The following LMTK2 variants were observed in gnomAD, a reference collection of about 807,000 sequenced individuals.
LMTK2 encodes serine/threonine-protein kinase LMTK2.
LMTK2 carries 37 observed loss-of-function variants against 127.5 expected under a neutral mutation model. The observed-to-expected ratio is 0.29, with a 90% CI of 0.22 to 0.38. The LOEUF (loss-of-function observed/expected upper bound fraction) is 0.38, where lower values mean the gene tolerates loss of function less well. Ranked by LOEUF, LMTK2 falls within the 10% of genes least tolerant of loss-of-function variation. The pLI, the probability that LMTK2 is intolerant of heterozygous loss-of-function variation, is 1.00. For synonymous variants in LMTK2, 819 were observed against 810.1 expected, an observed-to-expected ratio of 1.01 and a Z score of -0.19; for missense variants, 1,694 against 1,920.3, an observed-to-expected ratio of 0.88 and a Z score of 2.20.
At chr7:98,124,845 G>T (rs1796420741) in intron 1 of LMTK2, among the ~76,000 whole-genome samples, 1 of 152,080 alleles carries the variant, frequency 6.6e-6, no homozygotes, top group Admixed American at 6.6e-5. Context: ...TCAAAGAGTT[G>T]TTATGGAATT....
intron 1 of LMTK2, among the ~76,000 whole-genome samples, chr7:98,132,197 A>T (rs1796529234): frequency 6.6e-6 from 1 of 152,124 alleles, no homozygotes; most frequent in Admixed American, 6.5e-5. Context: ...TGATGATACC[A>T]CAAAACAGTG....
rs1378245232 is a variant in LMTK2, at chr7:98,160,896, A to G, written c.657+1471A>G. ...AAAGATAAAGTCTGGTTTTATTGATACTAATATAGTTAGACCAACTTTCTT... is the reference window on the plus strand; with the variant it reads ...AAAGATAAAGTCTGGTTTTATTGATGCTAATATAGTTAGACCAACTTTCTT... On this transcript the variant is annotated intron_variant, in intron 6 of 13. Coordinates refer to ENST00000297293, the MANE Select transcript of LMTK2 (RefSeq NM_014916.4). Among the ~76,000 whole-genome samples, 3 of 152,220 alleles carry G rather than the reference A, an allele frequency of 2.0e-5. No individual in the cohort carries two copies. The East Asian group carries it at 5.8e-4, about 29-fold the overall frequency.
At chr7:98,146,286 C>T (rs1422213023) in intron 3 of LMTK2, among the ~76,000 whole-genome samples, 1 of 152,072 alleles carries the variant, frequency 6.6e-6, no homozygotes, top group African/African-American at 2.4e-5. Context: ...TTTAATTTTT[C>T]AAAATCCTTT....
In LMTK2 at chr7:98,191,628, A is replaced by G. The variant is rs769844975; in HGVS notation, c.1163A>G (p.Gln388Arg). ...GTGCTGCTCAGGTATGAAGTCTTAC[A>G]GTTCTGTTGGCTGTCACCAGAAAAG... ...PYSDRWYEVL[Q>R]FCWLSPEKRP... Residue 388 changes from glutamine to arginine, a missense_variant, in exon 11 of 14, where the codon CAG (glutamine) becomes CGG (arginine). Gln to Arg is a conservative substitution (Grantham distance 43). Around this residue, in one of 8 missense-constraint regions of LMTK2, gnomAD observed 216 missense variants for 266.8 expected, o/e 0.81. Coordinates refer to ENST00000297293, the MANE Select transcript of LMTK2 (RefSeq NM_014916.4). 5.0e-6 allele frequency: 8 copies of G among 1,605,916 alleles called. 1 individual carries two copies. The South Asian group carries it at 8.9e-5, about 18-fold the overall frequency.
intron 4 of LMTK2, among the ~76,000 whole-genome samples, chr7:98,151,855 T>G (rs183111446): frequency 0.01 from 1,556 of 152,296 alleles, 6 homozygotes; most frequent in Non-Finnish European, 0.017. Context: ...GAACCTCTTT[T>G]GGAGGGATGC....
chr7:98,190,976 T>A lies in LMTK2; in HGVS notation c.1148+99T>A. The stretch of plus-strand genomic sequence containing the variant: ...TGGGCCAAATATTATGTTTCTTCAT[T>A]TCCTCTTTCACCATGATGTCACCAT... On this transcript the variant is annotated intron_variant, in intron 10 of 13. Transcript: ENST00000297293. 4.4e-6 allele frequency: 5 copies of A among 1,137,848 alleles called. No homozygotes were observed. In the Admixed American group the frequency reaches 7.9e-5, roughly 18 times the overall value. 70.5% of individuals were successfully genotyped at this position (1,137,848 alleles called of 1,614,324 possible).
rs993931801 is a variant in LMTK2 at position 98,195,500 on chromosome 7, T to C, written c.4107+928T>C. On this transcript the variant is annotated intron_variant, in intron 11 of 13. Transcript: ENST00000297293. ...AAAAAAAAAAAAAAAGTTCTTTTCA[T>C]ACTAGTCTTTGTAGCCCTTGAATTT... Among the ~76,000 whole-genome samples the C allele has an allele frequency of 6.6e-4, 100 of 152,140 alleles. 1 individual carries two copies. Among genetic ancestry groups the C allele is most frequent in the African/African-American group, 2.3e-3 (97 of 41,430 alleles).
chr7:98,188,800 A>G (rs372337264), intron 9 of LMTK2, among the ~76,000 whole-genome samples: 10 of 152,192 alleles, frequency 6.6e-5, no homozygotes, highest in African/African-American at 2.4e-4. Context: ...TTTGGGGTTG[A>G]TTGTATTTTA....
intron 11 of LMTK2, among the ~76,000 whole-genome samples, chr7:98,201,008 T>C (rs1161028853): frequency 2.6e-5 from 4 of 152,268 alleles, no homozygotes; most frequent in Middle Eastern, 6.8e-3. Flanking sequence ...ATTAAAGAAA[T>C]TTAACTAGCT....
intron 11 of LMTK2, among the ~76,000 whole-genome samples, chr7:98,195,454 C>T (rs1281092816): frequency 2.0e-5 from 3 of 150,822 alleles, no homozygotes; most frequent in Admixed American, 6.6e-5. Context: ...AATGTAACAG[C>T]GGATAATTCA....
chr7:98,137,725 A>G (rs1029527166), intron 2 of LMTK2, among the ~76,000 whole-genome samples: 1 of 152,248 alleles, frequency 6.6e-6, no homozygotes, highest in African/African-American at 2.4e-5. Flanking sequence ...GATTTGGTGC[A>G]TCAGCTGTAG....
At position 98,123,413 on chromosome 7, in the gene LMTK2, C is replaced by T. The variant is rs1229177028; in HGVS notation, c.104-13902C>T. Among the ~76,000 whole-genome samples the T allele has an allele frequency of 2.6e-5, 4 of 151,948 alleles. No homozygotes were observed. The South Asian group carries it at 6.2e-4, about 24-fold the overall frequency. ...GTTTTTTATGAACACATCATTAATCCGTCCCAGGTGCCTTGTCAGCAGCTT... is the reference window on the plus strand; with the variant it reads ...GTTTTTTATGAACACATCATTAATCTGTCCCAGGTGCCTTGTCAGCAGCTT... On this transcript the variant is annotated intron_variant, in intron 1 of 13. Coordinates refer to ENST00000297293, the MANE Select transcript of LMTK2 (RefSeq NM_014916.4).
At chr7:98,122,726 G>GTGTGTGTGTA (rs1416979353) in intron 1 of LMTK2, among the ~76,000 whole-genome samples, 2 of 14,204 alleles carry the variant, frequency 1.4e-4, no homozygotes, top group African/African-American at 3.6e-4. Context: ...GTGTGTGTGT[G>GTGTGTGTGTA]TATATATATA....
intron 4 of LMTK2, among the ~76,000 whole-genome samples, chr7:98,153,256 A>G (rs1228370366): frequency 2.0e-5 from 3 of 152,192 alleles, no homozygotes; most frequent in African/African-American, 7.2e-5. Context: ...GAAGTCATGG[A>G]GAATTTCAAA....
At position 98,208,691 on chromosome 7, in the gene LMTK2, A is replaced by T. The variant is rs1797844896; in HGVS notation, c.*3199A>T. On this transcript the variant is annotated 3_prime_UTR_variant, in exon 14 of 14. Coordinates refer to ENST00000297293, the MANE Select transcript of LMTK2 (RefSeq NM_014916.4). ...CCCTGTCAATAAGCCAGAAAGGGCAACCCAGAAAAAGTGCTCCCCACATCC... is the reference window on the plus strand; with the variant it reads ...CCCTGTCAATAAGCCAGAAAGGGCATCCCAGAAAAAGTGCTCCCCACATCC... 1 of 152,240 alleles carries T rather than the reference A, an allele frequency of 6.6e-6. No homozygotes were observed. The highest frequency in any genetic ancestry group is 6.5e-5 in the Admixed American group (1 of 15,286). 9.4% of individuals were successfully genotyped at this position (152,240 alleles called of 1,614,324 possible).
rs1797567202 is a variant in LMTK2, at chr7:98,193,392, A to G, written c.2927A>G (p.Asp976Gly). 6.2e-6 allele frequency: 10 copies of G among 1,614,060 alleles called. No individual in the cohort carries two copies. Among genetic ancestry groups the G allele is most frequent in the Non-Finnish European group, 8.5e-6 (10 of 1,180,036 alleles). Residue 976 changes from aspartate to glycine, a missense_variant, in exon 11 of 14, where the codon GAC becomes GGC. This residue lies in a region of LMTK2 where 527 missense variants were observed against 539.8 expected (regional missense o/e 0.98). Transcript: ENST00000297293. The surrounding 1 kb of genome is among the most constrained non-coding windows in gnomAD (Gnocchi z 4.1). Reference protein sequence around the residue: ...SALSSDSTSQDSLLEDSLSAP... With the variant: ...SALSSDSTSQGSLLEDSLSAP... ...CTCTCCTCGGACTCAACCAGTCAGG[A>G]CAGCCTCCTGGAGGACAGCTTGTCA...
intron 9 of LMTK2, among the ~76,000 whole-genome samples, chr7:98,189,349 C>G (rs1797485965): frequency 6.6e-6 from 1 of 152,152 alleles, no homozygotes; most frequent in Admixed American, 6.5e-5. Flanking sequence ...CCTGAATCTC[C>G]TGAGTACCTG....
intron 1 of LMTK2, among the ~76,000 whole-genome samples, chr7:98,122,201 CT>C (rs955258371): frequency 6.6e-6 from 1 of 150,976 alleles, no homozygotes; most frequent in South Asian, 2.1e-4. Flanking sequence ...GTCTGGACTC[CT>C]TTTTTTTTCC....
Position 98,194,570 on chromosome 7 carries a change from C to G in LMTK2, c.4105C>G (p.Gln1369Glu). 1.9e-6 allele frequency: 3 copies of G among 1,601,120 alleles called. No individual in the cohort carries two copies. The highest frequency in any genetic ancestry group is 2.5e-6 in the Non-Finnish European group (3 of 1,178,264). ...TGATGTCACAGTCTACCTGTTTGAC[C>G]AGGTATCTGTTCCCTCTAAATCATT... ...FDDVTVYLFDQETPTKELGPC... is the reference protein window; with the variant it reads ...FDDVTVYLFDEETPTKELGPC... The change falls in exon 11 of 14, where the codon CAG (glutamine) becomes GAG (glutamate). Residue 1369 changes from glutamine (Q) to glutamate (E), a missense_variant and splice_region_variant. Around this residue, in one of 8 missense-constraint regions of LMTK2, gnomAD observed 554 missense variants for 567.7 expected, o/e 0.98. Coordinates refer to ENST00000297293, the MANE Select transcript of LMTK2 (RefSeq NM_014916.4). This position sits in a 1 kb window ranked among gnomAD's most constrained non-coding sequence, Gnocchi z 5.4.
Sources: allele counts gnomAD v4.1 joint callset (sites outside exome capture counted in the v4.1 genomes callset), GRCh38; gene constraint gnomAD v4.1.1; regional missense constraint gnomAD v4.1.1; non-coding constraint Gnocchi (gnomAD v3.1); transcripts MANE v1.5; gene names NCBI Gene and HGNC (gene_info 2026-07-23, HGNC 2026-07-21).